Variants in FRMPD4 observed in about 807,000 individuals in gnomAD.
FRMPD4 encodes FERM and PDZ domain-containing protein 4.
Under a neutral mutation model 94.1 loss-of-function variants are expected in FRMPD4, and 22 were observed. That is an observed-to-expected ratio of 0.23 (90% CI 0.17 to 0.33). The LOEUF is 0.33. Among genes scored for constraint, FRMPD4 ranks in the 10% least tolerant of loss-of-function variants. The probability of loss-of-function intolerance (pLI) is 1.00; values close to 1 mark genes in which losing one functional copy is unlikely to be tolerated. For synonymous variants in FRMPD4, 631 were observed against 548.6 expected (o/e 1.15, Z -2.10); for missense variants, 1,111 against 1,339.9 (o/e 0.83, Z 2.67).
chrX:12,707,313 A>G (rs1446713636), intron 12 of FRMPD4, among the ~76,000 whole-genome samples, 156 bp from the exon 13 acceptor site: 1 of 112,711 alleles, frequency 8.9e-6, no homozygotes, highest in Non-Finnish European at 1.9e-5. Flanking sequence ...CAATTCAGTC[A>G]TGTATCTGGT....
intron 4 of FRMPD4, among the ~76,000 whole-genome samples, chrX:12,617,700 C>T (rs1160003438): frequency 9.0e-6 from 1 of 111,562 alleles, no homozygotes; most frequent in East Asian, 2.8e-4. Context: ...TTTGGAAAAA[C>T]ACTCATCATT....
intron 3 of FRMPD4, among the ~76,000 whole-genome samples, chrX:12,611,785 A>G (rs754615475): frequency 4.5e-5 from 5 of 112,003 alleles, no homozygotes; most frequent in Non-Finnish European, 9.4e-5. Flanking sequence ...TTAAATGTAG[A>G]TCATATTTTA....
At chrX:12,210,740 A>C (rs752883558) in intron 1 of FRMPD4, among the ~76,000 whole-genome samples, 2 of 110,961 alleles carry the variant, frequency 1.8e-5, no homozygotes, top group Non-Finnish European at 3.8e-5. Context: ...GACAACACAC[A>C]CTAAAAAAGG....
chrX:12,165,882 A>G (rs1352437361), intron 1 of FRMPD4, among the ~76,000 whole-genome samples: 1 of 110,967 alleles, frequency 9.0e-6, no homozygotes, highest in Non-Finnish European at 1.9e-5. Flanking sequence ...AATGCTTGTG[A>G]TTTTTGCACA....
chrX:11,846,567 C>T (rs1260313346), intron 1 of FRMPD4, among the ~76,000 whole-genome samples: 3 of 108,626 alleles, frequency 2.8e-5, no homozygotes, highest in African/African-American at 6.8e-5. Flanking sequence ...GAGCCCGCAT[C>T]GCCAAGTCAA....
chrX:12,609,749 G>C lies in FRMPD4; in HGVS notation c.187G>C (p.Asp63His), dbSNP rs751347382. Residue 63 changes from aspartate to histidine, a missense_variant, in exon 3 of 17, where the codon GAC becomes CAC. Asp to His is a moderately conservative substitution (Grantham distance 81, BLOSUM62 -1). Transcript: ENST00000675598. ...NHMTQAIPFD[D>H]PRLESCQIIP... ...CATGACACAGGCAATCCCTTTTGAC[G>C]ACCCTCGGTTAGAGAGCTGCCAAAT... 7 of 1,208,812 alleles carry C rather than the reference G, an allele frequency of 5.8e-6. No homozygotes were observed. Among genetic ancestry groups the C allele is most frequent in the Middle Eastern group, 2.3e-4 (1 of 4,344 alleles).
intron 1 of FRMPD4, among the ~76,000 whole-genome samples, chrX:12,470,493 T>G (rs2057498557): frequency 8.9e-6 from 1 of 112,086 alleles, no homozygotes; most frequent in Admixed American, 9.5e-5. Context: ...CGAACATTGC[T>G]GATTAACTAG....
chrX:12,506,115 G>A (rs1041863895), intron 2 of FRMPD4, among the ~76,000 whole-genome samples: 2 of 111,511 alleles, frequency 1.8e-5, no homozygotes, highest in African/African-American at 6.5e-5. Flanking sequence ...CTTAAAGGGT[G>A]CCGCTGAGCA....
chrX:12,019,852 T>A (rs915373968), intron 3 of FRMPD4, among the ~76,000 whole-genome samples: 2 of 111,965 alleles, frequency 1.8e-5, no homozygotes, highest in African/African-American at 6.5e-5. Flanking sequence ...ATAATAATGA[T>A]GACGATAACA....
In FRMPD4 at chrX:12,047,110, G is replaced by T. The variant is rs60587498; in HGVS notation, c.95+169092G>T. 5.5e-3 allele frequency among the ~76,000 whole-genome samples: 595 copies of T among 108,305 alleles called. 3 individuals carry two copies. Among genetic ancestry groups the T allele is most frequent in the African/African-American group, 0.019 (573 of 29,716 alleles). The allele number at this position is 108,305 out of a possible 115,157, so 94.0% of individuals were successfully genotyped here. On this transcript the variant is annotated intron_variant, in intron 3 of 18. Coordinates refer to the FRMPD4 transcript ENST00000640291. ...ATATATATATAGTTGTGTATATATG[G>T]TTATATATATGGTTATATATGTGTT...
chrX:12,259,882 T>G (rs912902659), intron 1 of FRMPD4, among the ~76,000 whole-genome samples: 1 of 111,767 alleles, frequency 8.9e-6, no homozygotes, highest in Non-Finnish European at 1.9e-5. Context: ...CTTGATGTTG[T>G]TGATAAAATA....
At chrX:12,578,508 G>A (rs987047205) in intron 2 of FRMPD4, among the ~76,000 whole-genome samples, 13 of 110,908 alleles carry the variant, frequency 1.2e-4, no homozygotes, top group African/African-American at 3.6e-4. Context: ...TAGAAAATCC[G>A]TGTCTATTGT....
In FRMPD4 at chrX:12,373,404, G is replaced by C. The variant is rs1054323430; in HGVS notation, c.42-125276G>C. Reference sequence around the variant, plus strand: ...TTCAGGCACTAAGTAATAATCAGATGCTGAATGCCTAAACTCTACAGAGTG... The same window carrying C: ...TTCAGGCACTAAGTAATAATCAGATCCTGAATGCCTAAACTCTACAGAGTG... On this transcript the variant is annotated intron_variant, in intron 1 of 16. Coordinates refer to ENST00000675598, the MANE Select transcript of FRMPD4 (RefSeq NM_001368397.1). 4 of 112,077 alleles carry C rather than the reference G, an allele frequency of 3.6e-5. No individual in the cohort carries two copies. In the Admixed American group the frequency reaches 3.8e-4, roughly 11 times the overall value. The allele number at this position is 112,077 out of a possible 1,213,427, so 9.2% of individuals were successfully genotyped here. A position where few individuals can be genotyped will look rare whatever the true frequency, so the allele number is the denominator to read the frequency against.
chrX:12,382,965 T>C (rs1341385345), intron 1 of FRMPD4, among the ~76,000 whole-genome samples: 3 of 111,938 alleles, frequency 2.7e-5, no homozygotes, highest in Non-Finnish European at 5.6e-5. Flanking sequence ...TTGCTCCTAA[T>C]TCATCTTGTT....
chrX:12,440,963 G>C, intron 1 of FRMPD4, among the ~76,000 whole-genome samples: 1 of 112,233 alleles, frequency 8.9e-6, no homozygotes. Flanking sequence ...AATGGTAAAT[G>C]TCATAATTCT....
At chrX:12,288,586 T>G (rs1215472040) in intron 1 of FRMPD4, among the ~76,000 whole-genome samples, 1 of 111,358 alleles carries the variant, frequency 9.0e-6, no homozygotes. Flanking sequence ...AGACTATACT[T>G]CCTATTTTCC....
chrX:12,470,037 A>G (rs761077064), intron 1 of FRMPD4, among the ~76,000 whole-genome samples: 2 of 112,057 alleles, frequency 1.8e-5, no homozygotes, highest in Non-Finnish European at 3.8e-5. Context: ...AGATGAAATG[A>G]CTGGTGTGAA....
intron 1 of FRMPD4, among the ~76,000 whole-genome samples, chrX:12,469,648 C>T (rs1432851628): frequency 1.8e-5 from 2 of 112,108 alleles, no homozygotes; most frequent in Admixed American, 1.9e-4. Flanking sequence ...GGTAGAATGG[C>T]TTTTATAATT....
At chrX:11,861,518 C>T (rs935821738) in intron 1 of FRMPD4, among the ~76,000 whole-genome samples, 5 of 111,826 alleles carry the variant, frequency 4.5e-5, no homozygotes, top group Admixed American at 9.5e-5. Context: ...ATAGTAAGCA[C>T]CAGGTCAGAA....
Sources: gnomAD v4.1 joint callset for allele counts (sites outside exome capture counted in the v4.1 genomes callset) on GRCh38, gnomAD v4.1.1 for gene constraint, MANE v1.5 for transcripts, NCBI Gene and HGNC (gene_info 2026-07-23, HGNC 2026-07-21) for gene names.